MEI4: variants seen among roughly 807,000 people sequenced by gnomAD.
The protein encoded by MEI4 is meiosis-specific protein MEI4.
Under a neutral mutation model 31.4 loss-of-function variants are expected in MEI4, and 27 were observed. The observed-to-expected ratio is 0.86, with a 90% confidence interval of 0.63 to 1.19. MEI4 has a LOEUF of 1.19. MEI4 is among the 50% of genes most tolerant of loss of function. The pLI, the probability that MEI4 is intolerant of heterozygous loss-of-function variation, is 0.00. For synonymous variants in MEI4, 122 were observed against 145.4 expected (o/e 0.84, Z 1.16); for missense variants, 329 against 398.9 (o/e 0.82, Z 1.49).
At chr6:77,747,582 C>T (rs1767649295) in intron 2 of MEI4, among the ~76,000 whole-genome samples, 1 of 152,138 alleles carries the variant, frequency 6.6e-6, no homozygotes. Context: ...ATGATCCAGT[C>T]ATCTTCTGCC....
chr6:77,783,675 CTG>C (rs1768654074), intron 3 of MEI4, among the ~76,000 whole-genome samples: 2 of 152,000 alleles, frequency 1.3e-5, no homozygotes, highest in Admixed American at 6.6e-5. Flanking sequence ...ATGAATATCT[CTG>C]TTTTTTTATG....
intron 2 of MEI4, among the ~76,000 whole-genome samples, chr6:77,726,336 A>G (rs1055423873): frequency 3.3e-5 from 5 of 151,620 alleles, no homozygotes; most frequent in Admixed American, 6.6e-5. Flanking sequence ...CAGACACAGT[A>G]ACAATCTGAT....
At chr6:77,675,034 T>C (rs949827455) in intron 1 of MEI4, among the ~76,000 whole-genome samples, 2 of 152,158 alleles carry the variant, frequency 1.3e-5, no homozygotes, top group Admixed American at 6.5e-5. Flanking sequence ...TTTGTTTGTA[T>C]TAATATACCT....
chr6:77,717,892 G>T (rs1351479434), intron 2 of MEI4, among the ~76,000 whole-genome samples: 3 of 87,414 alleles, frequency 3.4e-5, no homozygotes, highest in East Asian at 3.4e-4. Flanking sequence ...GATCTCTCTT[G>T]CTTTTCCCCA....
intron 4 of MEI4, among the ~76,000 whole-genome samples, chr6:77,864,558 CAG>C (rs1770964830): frequency 3.3e-5 from 5 of 152,178 alleles, no homozygotes; most frequent in Non-Finnish European, 7.3e-5. Flanking sequence ...GCACCCAATA[CAG>C]GAGCACCCAG....
intron 1 of MEI4, among the ~76,000 whole-genome samples, chr6:77,686,875 C>CTTTTTTTTTTTTTTTTTTTTTTTTTTTAT (rs70974681): frequency 7.5e-6 from 1 of 132,486 alleles, no homozygotes; most frequent in Admixed American, 7.9e-5. Flanking sequence ...GTCTGTGGCT[C>CTTTTTTTTTTTTTTTTTTTTTTTTTTTAT]TTTTTTTTTG....
chr6:77,824,654 TAAA>T (rs11289987), intron 3 of MEI4, among the ~76,000 whole-genome samples: 1 of 149,376 alleles, frequency 6.7e-6, no homozygotes. Flanking sequence ...ACATTCAAGT[TAAA>T]AAAAAAAAAG....
chr6:77,745,877 A>T (rs1248357365), intron 2 of MEI4, among the ~76,000 whole-genome samples: 1 of 152,242 alleles, frequency 6.6e-6, no homozygotes, highest in Non-Finnish European at 1.5e-5. Context: ...ACTACTGGGT[A>T]CATAATGAAA....
chr6:77,901,285 A>C (rs1766183593), intron 4 of MEI4, among the ~76,000 whole-genome samples: 1 of 152,054 alleles, frequency 6.6e-6, no homozygotes, highest in Non-Finnish European at 1.5e-5. Context: ...AATTTTTTAG[A>C]GGCATCTCTG....
intron 2 of MEI4, among the ~76,000 whole-genome samples, chr6:77,755,851 T>TGTGCGC (rs200518214): frequency 6.6e-6 from 1 of 151,708 alleles, no homozygotes; most frequent in Non-Finnish European, 1.5e-5. Context: ...TGTGTGTGTG[T>TGTGCGC]GTGTATTTTA....
At chr6:77,860,969 A>G (rs1186414874) in intron 4 of MEI4, among the ~76,000 whole-genome samples, 1 of 152,162 alleles carries the variant, frequency 6.6e-6, no homozygotes, top group African/African-American at 2.4e-5. Flanking sequence ...ATGTTCAGCC[A>G]CTTCTTGTCT....
Position 77,701,750 on chromosome 6 carries a change from T to C in MEI4, c.232+10847T>C, listed in dbSNP as rs1766229088. On this transcript the variant is annotated intron_variant, in intron 2 of 4. Transcript: ENST00000684080. ...GAAAGTAAGAAAAAATCAAACTAAA[T>C]TAATTCATTGATGTACATGTTTATT... 2.0e-5 allele frequency among the ~76,000 whole-genome samples: 3 copies of C among 152,106 alleles called. No homozygotes were observed. The South Asian group carries it at 6.2e-4, about 32-fold the overall frequency.
chr6:77,870,132 T>G (rs1771155662), intron 4 of MEI4, among the ~76,000 whole-genome samples: 2 of 152,132 alleles, frequency 1.3e-5, no homozygotes, highest in Admixed American at 1.3e-4. Flanking sequence ...TTTTTCAAAT[T>G]TAAGATAGTA....
At chr6:77,840,016 C>T (rs1235068249) in intron 4 of MEI4, among the ~76,000 whole-genome samples, 1 of 152,048 alleles carries the variant, frequency 6.6e-6, no homozygotes, top group African/African-American at 2.4e-5. Flanking sequence ...TAACTATGCT[C>T]CTTGAGGTAA....
chr6:77,737,012 G>C (rs1398770277), intron 2 of MEI4, among the ~76,000 whole-genome samples: 1 of 152,184 alleles, frequency 6.6e-6, no homozygotes, highest in Non-Finnish European at 1.5e-5. Flanking sequence ...GTGGCATACA[G>C]AGCATGAGGA....
intron 4 of MEI4, among the ~76,000 whole-genome samples, chr6:77,919,210 ACAC>A (rs1448208074): frequency 6.6e-6 from 1 of 151,990 alleles, no homozygotes; most frequent in Non-Finnish European, 1.5e-5. Flanking sequence ...TTTCAGCACC[ACAC>A]CACACCTATT....
intron 2 of MEI4, among the ~76,000 whole-genome samples, chr6:77,741,135 C>A (rs1387957038): frequency 6.6e-6 from 1 of 152,048 alleles, no homozygotes; most frequent in South Asian, 2.1e-4. Context: ...TGGGAAAAAA[C>A]CTGTGCAGTT....
Position 77,761,589 on chromosome 6 carries a change from A to G in MEI4, c.692A>G (p.Lys231Arg). ...SDYNLSSHILKKCSKKLEEFE... is the reference protein window; with the variant it reads ...SDYNLSSHILRKCSKKLEEFE... ...TATAACTTATCTAGTCATATTCTTA[A>G]AAAGTGTTCCAAGAAGTTGGAAGAA... is the stretch of plus-strand genomic sequence containing the variant. The change falls in exon 3 of 5, where the codon AAA (lysine) becomes AGA (arginine). Residue 231 changes from lysine to arginine, a missense_variant. Physicochemically the swap from Lys to Arg is conservative, Grantham distance 26 (BLOSUM62 2). Transcript: ENST00000684080. 3 of 1,232,006 alleles carry G rather than the reference A, an allele frequency of 2.4e-6. No individual in the cohort carries two copies. Among genetic ancestry groups the G allele is most frequent in the Non-Finnish European group, 3.0e-6 (3 of 987,852 alleles). The allele number at this position is 1,232,006 out of a possible 1,614,324, so 76.3% of individuals were successfully genotyped here. A position where few individuals can be genotyped will look rare whatever the true frequency, so the allele number is the denominator to read the frequency against.
chr6:77,713,369 T>A (rs1198736501), intron 2 of MEI4, among the ~76,000 whole-genome samples: 1 of 152,092 alleles, frequency 6.6e-6, no homozygotes, highest in Middle Eastern at 3.2e-3. Flanking sequence ...AACCTAAGAA[T>A]TTTTTTGTTT....
Sources: allele counts gnomAD v4.1 joint callset (sites outside exome capture counted in the v4.1 genomes callset), GRCh38; gene constraint gnomAD v4.1.1; transcripts MANE v1.5; gene names NCBI Gene and HGNC (gene_info 2026-07-23, HGNC 2026-07-21).